ZNF480: variants seen among roughly 807,000 people sequenced by gnomAD.
ZNF480 encodes zinc finger protein 480.
ZNF480 carries 15 observed loss-of-function variants against 14.4 expected under a neutral mutation model. The observed-to-expected ratio is 1.04, with a 90% CI of 0.70 to 1.60. ZNF480 has a LOEUF of 1.60. Among genes scored for constraint, ZNF480 ranks in the 40% most tolerant of loss-of-function variants. The probability of loss-of-function intolerance (pLI) is 0.00; values close to 1 mark genes in which losing one functional copy is unlikely to be tolerated. For missense variants in ZNF480, 593 were observed against 629.7 expected, an observed-to-expected ratio of 0.94 and a Z score of 0.62; for synonymous variants, 218 against 215.5, an observed-to-expected ratio of 1.01 and a Z score of -0.10.
chr19:52,316,505 C>T (rs1983565328), intron 4 of ZNF480, among the ~76,000 whole-genome samples: 2 of 152,094 alleles, frequency 1.3e-5, no homozygotes, highest in African/African-American at 2.4e-5. Context: ...GCTAGAATTA[C>T]AGGCATGAGC....
intron 2 of ZNF480, among the ~76,000 whole-genome samples, chr19:52,303,041 A>G (rs1982770467): frequency 6.6e-6 from 1 of 152,232 alleles, no homozygotes; most frequent in South Asian, 2.1e-4. Context: ...TGTTGAAATC[A>G]TAACTGAGCA....
intron 2 of ZNF480, among the ~76,000 whole-genome samples, chr19:52,306,362 A>C (rs1276998884): frequency 6.6e-6 from 1 of 152,128 alleles, no homozygotes; most frequent in Non-Finnish European, 1.5e-5. Flanking sequence ...CCCAAGCTCT[A>C]ATGCACACTC....
chr19:52,299,861 T>A (rs1982601255), intron 1 of ZNF480, among the ~76,000 whole-genome samples: 1 of 152,144 alleles, frequency 6.6e-6, no homozygotes, highest in South Asian at 2.1e-4. Context: ...GCCCAGCTAA[T>A]TTTTGTATTT....
rs182775081 is a variant in ZNF480 at position 52,302,714 on chromosome 19, T to A, written c.72+2230T>A. Reference sequence around the variant, plus strand: ...TTTGCCAAACAGAATTAGGTTCCAATCCTCGAGGATTAACTCCTCCTGTAA... The same window carrying A: ...TTTGCCAAACAGAATTAGGTTCCAAACCTCGAGGATTAACTCCTCCTGTAA... On this transcript the variant is annotated intron_variant, in intron 2 of 4. Transcript: ENST00000595962. Among the ~76,000 whole-genome samples, 617 of 152,312 alleles carry A rather than the reference T, an allele frequency of 4.1e-3. 4 individuals are homozygous for A. Among genetic ancestry groups the A allele is most frequent in the Non-Finnish European group, 5.9e-3 (399 of 68,024 alleles).
intron 2 of ZNF480, among the ~76,000 whole-genome samples, chr19:52,303,352 G>A (rs1250492833): frequency 6.6e-6 from 1 of 152,184 alleles, no homozygotes; most frequent in Non-Finnish European, 1.5e-5. Context: ...GCACTCCCAC[G>A]AAATCAGCTA....
At chr19:52,298,324 G>A (rs1188484393) in intron 1 of ZNF480, among the ~76,000 whole-genome samples, 1 of 151,978 alleles carries the variant, frequency 6.6e-6, no homozygotes, top group Non-Finnish European at 1.5e-5. Context: ...GAGAGCAGAG[G>A]GGGAGTAGAG....
At chr19:52,306,219 C>A (rs1982922725) in intron 2 of ZNF480, among the ~76,000 whole-genome samples, 4 of 152,210 alleles carry the variant, frequency 2.6e-5, no homozygotes, top group Admixed American at 2.6e-4. Context: ...AACACTACGT[C>A]CTGAGCAGCT....
chr19:52,311,814 T>TA (rs78392554), intron 2 of ZNF480, among the ~76,000 whole-genome samples: 1 of 147,020 alleles, frequency 6.8e-6, no homozygotes. Flanking sequence ...CTCTAAAAAT[T>TA]AAAAAAAAAA....
intron 3 of ZNF480, among the ~76,000 whole-genome samples, chr19:52,315,331 T>G (rs1983499468): frequency 6.6e-6 from 1 of 151,878 alleles, no homozygotes; most frequent in Non-Finnish European, 1.5e-5. Context: ...TTGTTTTTTT[T>G]TTTTGAGACA....
intron 2 of ZNF480, among the ~76,000 whole-genome samples, chr19:52,311,984 C>T (rs1983310993): frequency 6.6e-6 from 1 of 151,808 alleles, no homozygotes; most frequent in Non-Finnish European, 1.5e-5. Context: ...GATGAGCAAG[C>T]CTATGGTTTT....
chr19:52,319,140 A>G (rs1190749769), intron 4 of ZNF480, among the ~76,000 whole-genome samples: 6 of 152,134 alleles, frequency 3.9e-5, no homozygotes, highest in Non-Finnish European at 8.8e-5. Context: ...CTGAGATTAC[A>G]GGTGTGAGCC....
At chr19:52,297,398 T>C (rs1236729564) in intron 1 of ZNF480, among the ~76,000 whole-genome samples, 175 bp downstream of exon 1, 1 of 151,462 alleles carries the variant, frequency 6.6e-6, no homozygotes, top group Non-Finnish European at 1.5e-5. Flanking sequence ...TTTAAATCGC[T>C]CGGCGGCGGG....
chr19:52,313,781 C>A, intron 2 of ZNF480: 1 of 441,818 alleles, frequency 2.3e-6, no homozygotes, highest in South Asian at 1.6e-5. Flanking sequence ...GAGTTCAAGA[C>A]CAGCCTGGCC....
At chr19:52,319,796 T>C (rs1983720029) in intron 4 of ZNF480, among the ~76,000 whole-genome samples, 2 of 150,804 alleles carry the variant, frequency 1.3e-5, no homozygotes, top group African/African-American at 4.9e-5. Flanking sequence ...TTTTGGTCTT[T>C]GTAGCTGATA....
chr19:52,309,986 G>A (rs1983191147), intron 2 of ZNF480, among the ~76,000 whole-genome samples: 1 of 151,626 alleles, frequency 6.6e-6, no homozygotes, highest in South Asian at 2.1e-4. Flanking sequence ...AAATAATGCT[G>A]CTAAAGAAGG....
At chr19:52,303,030 C>T (rs1982770262) in intron 2 of ZNF480, among the ~76,000 whole-genome samples, 2 of 152,202 alleles carry the variant, frequency 1.3e-5, no homozygotes, top group South Asian at 4.1e-4. Flanking sequence ...AGCTGTTCAT[C>T]TGTTGAAATC....
At chr19:52,300,828 C>A in intron 2 of ZNF480, 1 of 294,040 alleles carries the variant, frequency 3.4e-6, no homozygotes, top group Non-Finnish European at 6.4e-6. Context: ...AAAAGCATTC[C>A]TTATGGGAAA....
intron 2 of ZNF480, among the ~76,000 whole-genome samples, chr19:52,310,029 T>A (rs1020433442): frequency 1.3e-4 from 20 of 152,086 alleles, no homozygotes; most frequent in East Asian, 7.7e-4. Context: ...TTCTTTTTTT[T>A]AAATTTATTT....
intron 2 of ZNF480, among the ~76,000 whole-genome samples, chr19:52,304,945 A>G (rs1036950586): frequency 6.6e-6 from 1 of 151,946 alleles, no homozygotes; most frequent in African/African-American, 2.4e-5. Flanking sequence ...AAAAATACAA[A>G]AAAATTAGCC....
Sources: gnomAD v4.1 joint callset for allele counts (sites outside exome capture counted in the v4.1 genomes callset) on GRCh38, gnomAD v4.1.1 for gene constraint, MANE v1.5 for transcripts, NCBI Gene and HGNC (gene_info 2026-07-23, HGNC 2026-07-21) for gene names.